Variants in PTPRT observed in about 807,000 individuals in gnomAD.
The protein encoded by PTPRT is receptor-type tyrosine-protein phosphatase T.
PTPRT carries 56 observed loss-of-function variants against 176.8 expected under a neutral mutation model. That is an observed-to-expected ratio of 0.32 (90% CI 0.26 to 0.40). The LOEUF (loss-of-function observed/expected upper bound fraction) is 0.40. PTPRT is among the 10% of genes least tolerant of loss of function. The pLI, the probability that PTPRT is intolerant of heterozygous loss-of-function variation, is 1.00. For missense variants in PTPRT, 1,540 were observed against 1,908.2 expected, an observed-to-expected ratio of 0.81 and a Z score of 3.60; for synonymous variants, 783 against 739.0, an observed-to-expected ratio of 1.06 and a Z score of -0.96.
At chr20:42,039,908 A>C in the PTPRT span, among the ~76,000 whole-genome samples, 1 of 151,984 alleles carries the variant, frequency 6.6e-6, no homozygotes, top group African/African-American at 2.4e-5. Context: ...GGAAGTGCAG[A>C]TATCTCTTTG....
intron 2 of PTPRT, among the ~76,000 whole-genome samples, chr20:42,809,453 CT>C (rs1316392097): frequency 6.6e-6 from 1 of 152,168 alleles, no homozygotes; most frequent in African/African-American, 2.4e-5. Context: ...GACAGAAACC[CT>C]GGCTTGGAGC....
intron 1 of PTPRT, among the ~76,000 whole-genome samples, chr20:42,936,336 G>A (rs1384592074): frequency 1.3e-5 from 2 of 152,238 alleles, no homozygotes; most frequent in Admixed American, 1.3e-4. Flanking sequence ...AGAGCATTTA[G>A]ACAGAAGCTG....
At chr20:42,266,827 C>A (rs946301254) in intron 13 of PTPRT, among the ~76,000 whole-genome samples, 2 of 152,122 alleles carry the variant, frequency 1.3e-5, no homozygotes, top group Non-Finnish European at 2.9e-5. Context: ...TCTGCACTGC[C>A]CACAATGGTA....
At chr20:43,056,851 C>T (rs1054440978) in intron 1 of PTPRT, among the ~76,000 whole-genome samples, 4 of 152,156 alleles carry the variant, frequency 2.6e-5, no homozygotes, top group African/African-American at 9.7e-5. Context: ...GGGAACAAAA[C>T]CCAAGTAAAG....
intron 26 of PTPRT, among the ~76,000 whole-genome samples, chr20:42,098,799 T>C (rs1985558488): frequency 6.6e-6 from 1 of 152,188 alleles, no homozygotes; most frequent in Admixed American, 6.5e-5. Flanking sequence ...CCAAATAAAT[T>C]ATTTATGCCT....
intron 7 of PTPRT, among the ~76,000 whole-genome samples, chr20:42,532,945 G>T (rs1458668886): frequency 2.0e-5 from 3 of 152,144 alleles, no homozygotes; most frequent in African/African-American, 7.2e-5. Flanking sequence ...AAGTCGTTTA[G>T]CAGAGCCTCT....
intron 3 of PTPRT, among the ~76,000 whole-genome samples, chr20:42,784,972 T>C (rs949017043): frequency 6.6e-6 from 1 of 152,206 alleles, no homozygotes; most frequent in Non-Finnish European, 1.5e-5. Flanking sequence ...TAATATATTG[T>C]GCATTTCAAA....
At chr20:42,566,642 T>G (rs899225627) in intron 7 of PTPRT, among the ~76,000 whole-genome samples, 1 of 152,178 alleles carries the variant, frequency 6.6e-6, no homozygotes, top group African/African-American at 2.4e-5. Context: ...TTGGAAGCCA[T>G]GCACTGAGGA....
chr20:42,457,014 T>G (rs2070936601), intron 8 of PTPRT, among the ~76,000 whole-genome samples: 1 of 152,168 alleles, frequency 6.6e-6, no homozygotes, highest in Non-Finnish European at 1.5e-5. Flanking sequence ...TTTCCTTAAG[T>G]CAAGTTTTTT....
intron 1 of PTPRT, among the ~76,000 whole-genome samples, chr20:42,904,741 C>T (rs1414767489): frequency 6.6e-6 from 1 of 151,892 alleles, no homozygotes; most frequent in Non-Finnish European, 1.5e-5. Context: ...ATAAAAACCC[C>T]GAGACTCCAG....
intron 7 of PTPRT, among the ~76,000 whole-genome samples, chr20:42,571,935 C>A (rs558374319): frequency 6.6e-6 from 1 of 152,308 alleles, no homozygotes; most frequent in African/African-American, 2.4e-5. Flanking sequence ...TCATTAACAC[C>A]TGAGTTAGAG....
chr20:42,282,425 G>T, intron 13 of PTPRT, 64 bp downstream of exon 13: 3 of 1,468,476 alleles, frequency 2.0e-6, no homozygotes, highest in South Asian at 2.4e-5. Flanking sequence ...TCTCTGTGTG[G>T]CTAGAAAGAA....
chr20:42,572,922 G>T (rs6102910), intron 7 of PTPRT, among the ~76,000 whole-genome samples: 53,976 of 109,372 alleles, frequency 0.49, 10,307 homozygotes, highest in East Asian at 0.57. Flanking sequence ...ATAAGTTTTT[G>T]TTTTTTTTTT....
At chr20:42,817,331 T>C (rs1378550661) in intron 2 of PTPRT, among the ~76,000 whole-genome samples, 3 of 151,230 alleles carry the variant, frequency 2.0e-5, no homozygotes, top group Admixed American at 6.6e-5. Flanking sequence ...ACATGAACCC[T>C]TCTGAGTTAT....
rs572965507 is a variant in PTPRT at position 43,082,861 on chromosome 20, C to G, written c.88+106785G>C. On this transcript the variant is annotated intron_variant, in intron 1 of 30. Coordinates refer to ENST00000373187, the MANE Select transcript of PTPRT (RefSeq NM_007050.6). ...ATAGTATCAAAGAGCTGAAACTCAT[C>G]AGATAACACCTGGACAATGAGATGC... 9.2e-5 allele frequency among the ~76,000 whole-genome samples: 14 copies of G among 152,256 alleles called. No homozygotes were observed. The East Asian group carries it at 2.7e-3, about 29-fold the overall frequency.
intron 7 of PTPRT, among the ~76,000 whole-genome samples, chr20:42,625,092 C>A (rs78259214): frequency 6.6e-6 from 1 of 152,158 alleles, no homozygotes; most frequent in Non-Finnish European, 1.5e-5. Flanking sequence ...GACACAGCGG[C>A]CCCACAAATA....
At chr20:42,941,148 T>A (rs558998485) in intron 1 of PTPRT, among the ~76,000 whole-genome samples, 18 of 152,104 alleles carry the variant, frequency 1.2e-4, no homozygotes, top group African/African-American at 3.9e-4. Flanking sequence ...TTGAGTTCCT[T>A]AAATTCCATA....
chr20:42,063,353 A>T, the PTPRT span, among the ~76,000 whole-genome samples: 6 of 152,272 alleles, frequency 3.9e-5, no homozygotes, highest in African/African-American at 4.8e-5. Context: ...AGCATTACTT[A>T]TCTCTGGGGA....
intron 1 of PTPRT, among the ~76,000 whole-genome samples, chr20:42,925,457 G>A (rs1979420246): frequency 1.3e-5 from 2 of 152,180 alleles, no homozygotes; most frequent in African/African-American, 2.4e-5. Context: ...GAAGGGCAAG[G>A]AGTGATAGAA....
Sources: gnomAD v4.1 joint callset for allele counts (sites outside exome capture counted in the v4.1 genomes callset) on GRCh38, gnomAD v4.1.1 for gene constraint, MANE v1.5 for transcripts, NCBI Gene and HGNC (gene_info 2026-07-23, HGNC 2026-07-21) for gene names.